The following NR6A1 variants were observed in gnomAD, a reference collection of about 807,000 sequenced individuals.
NR6A1 encodes the protein nuclear receptor subfamily 6 group A member 1, also known as retinoic acid receptor-related testis-associated receptor.
Under a neutral mutation model 59.1 loss-of-function variants are expected in NR6A1, and 7 were observed. The observed-to-expected ratio is 0.12, with a 90% CI of 0.07 to 0.22. The LOEUF is 0.22. NR6A1 is among the 10% of genes least tolerant of loss of function. The pLI is 1.00. For missense variants in NR6A1, 468 were observed against 611.6 expected, an observed-to-expected ratio of 0.77 and a Z score of 2.48; for synonymous variants, 243 against 236.1, an observed-to-expected ratio of 1.03 and a Z score of -0.27.
Position 124,593,438 on chromosome 9 carries a change from G to A in NR6A1, c.143-38868C>T, listed in dbSNP as rs902577190. ...AAGGGAGGGAGGAAGAGAGCAGAGAGGGGGAGAGAGAGAAGAAAAAAGATT... is the reference window on the plus strand; with the variant it reads ...AAGGGAGGGAGGAAGAGAGCAGAGAAGGGGAGAGAGAGAAGAAAAAAGATT... On this transcript the variant is annotated intron_variant, in intron 2 of 9. Transcript: ENST00000487099. 3.9e-5 allele frequency among the ~76,000 whole-genome samples: 6 copies of A among 152,164 alleles called. No homozygotes were observed. The South Asian group carries it at 1.0e-3, about 26-fold the overall frequency.
At chr9:124,731,030 G>T (rs542488462) in intron 2 of NR6A1, among the ~76,000 whole-genome samples, 105 of 152,188 alleles carry the variant, frequency 6.9e-4, no homozygotes, top group African/African-American at 2.5e-3. Flanking sequence ...TTGTCTGAAA[G>T]GTTACAGGGC....
chr9:124,585,256 G>A lies in NR6A1; in HGVS notation c.143-30686C>T, dbSNP rs1012112329. ...TGTCTCCATTACTTAAAAGTGCAAGGTGGGCCAGGCGCAGTGGCTCATGCC... is the reference window on the plus strand; with the variant it reads ...TGTCTCCATTACTTAAAAGTGCAAGATGGGCCAGGCGCAGTGGCTCATGCC... On this transcript the variant is annotated intron_variant, in intron 2 of 9. Coordinates refer to ENST00000487099, the MANE Select transcript of NR6A1 (RefSeq NM_033334.4). Among the ~76,000 whole-genome samples the A allele has an allele frequency of 9.2e-5, 14 of 152,062 alleles. 1 individual carries two copies. The highest frequency in any genetic ancestry group is 9.2e-4 in the Admixed American group (14 of 15,272).
In NR6A1 at chr9:124,633,360, G is replaced by A. The variant is rs1000215157; in HGVS notation, c.143-78790C>T. 6.5e-5 allele frequency among the ~76,000 whole-genome samples: 9 copies of A among 139,398 alleles called. No homozygotes were observed. In the South Asian group the frequency reaches 1.4e-3, roughly 21 times the overall value. The allele number at this position is 139,398 out of a possible 152,430, so 91.5% of individuals were successfully genotyped here. A position where few individuals can be genotyped will look rare whatever the true frequency, so the allele number is the denominator to read the frequency against. On this transcript the variant is annotated intron_variant, in intron 2 of 9. Transcript: ENST00000487099. Reference sequence around the variant, plus strand: ...GGAGCTTGCAGTGAGTCGAGATCGCGCCACTGCACTCCAGCCTGGGCGACA... The same window carrying A: ...GGAGCTTGCAGTGAGTCGAGATCGCACCACTGCACTCCAGCCTGGGCGACA...
chr9:124,520,413 T>C lies in NR6A1; in HGVS notation c.*2292A>G, dbSNP rs1479537841. 2 of 152,198 alleles carry C rather than the reference T, an allele frequency of 1.3e-5. No homozygotes were observed. Among genetic ancestry groups the C allele is most frequent in the Non-Finnish European group, 2.9e-5 (2 of 68,042 alleles). The allele number at this position is 152,198 out of a possible 1,614,324, so 9.4% of individuals were successfully genotyped here. Reference sequence around the variant, plus strand: ...GCTGCAAACATTTGTAAAACTGGATTTGTACAATGGCAACTTGCAGAACCT... The same window carrying C: ...GCTGCAAACATTTGTAAAACTGGATCTGTACAATGGCAACTTGCAGAACCT... On this transcript the variant is annotated 3_prime_UTR_variant, in exon 10 of 10. Coordinates refer to ENST00000487099, the MANE Select transcript of NR6A1 (RefSeq NM_033334.4).
chr9:124,594,619 C>G (rs1316341745), intron 2 of NR6A1, among the ~76,000 whole-genome samples: 2 of 152,156 alleles, frequency 1.3e-5, no homozygotes, highest in Non-Finnish European at 2.9e-5. Flanking sequence ...AGATAAATAA[C>G]AGGCCTTATA....
At chr9:124,539,102 G>C (rs1371101713) in intron 5 of NR6A1, among the ~76,000 whole-genome samples, 4 of 151,892 alleles carry the variant, frequency 2.6e-5, no homozygotes, top group Non-Finnish European at 5.9e-5. Context: ...ACAGAGTCTT[G>C]CCATGTTGCC....
chr9:124,712,480 C>T (rs998926148), intron 2 of NR6A1, among the ~76,000 whole-genome samples: 5 of 151,980 alleles, frequency 3.3e-5, no homozygotes, highest in South Asian at 2.1e-4. Flanking sequence ...AGGTGACACA[C>T]GCCTGTAGTC....
chr9:124,715,528 C>T (rs1278363238), intron 2 of NR6A1, among the ~76,000 whole-genome samples: 1 of 151,736 alleles, frequency 6.6e-6, no homozygotes, highest in Non-Finnish European at 1.5e-5. Context: ...AGAGTGAGAC[C>T]TAGTCTCTAA....
At chr9:124,546,682 C>G (rs1320106353) in intron 3 of NR6A1, among the ~76,000 whole-genome samples, 1 of 152,174 alleles carries the variant, frequency 6.6e-6, no homozygotes, top group Non-Finnish European at 1.5e-5. Flanking sequence ...CTAATATAAA[C>G]AGCAGTACCC....
In NR6A1 at chr9:124,551,193, T is replaced by G. The variant is rs933737045; in HGVS notation, c.385+3135A>C. Among the ~76,000 whole-genome samples, 33 of 152,262 alleles carry G rather than the reference T, an allele frequency of 2.2e-4. 1 individual carries two copies. The highest frequency in any genetic ancestry group is 1.7e-3 in the Admixed American group (26 of 15,298). ...TGATATTTGGAAGCCAAGATCTGGGTGCTGGGTGTACTCATTGCTCCTGGG... is the reference window on the plus strand; with the variant it reads ...TGATATTTGGAAGCCAAGATCTGGGGGCTGGGTGTACTCATTGCTCCTGGG... On this transcript the variant is annotated intron_variant, in intron 3 of 9. Transcript: ENST00000487099.
chr9:124,543,393 G>A (rs1002154169), intron 4 of NR6A1, among the ~76,000 whole-genome samples: 1 of 152,170 alleles, frequency 6.6e-6, no homozygotes, highest in Admixed American at 6.5e-5. Context: ...TTGAATGGGG[G>A]TATTATCATT....
At chr9:124,748,694 A>G (rs1274452964) in intron 1 of NR6A1, among the ~76,000 whole-genome samples, 1 of 151,428 alleles carries the variant, frequency 6.6e-6, no homozygotes, top group Non-Finnish European at 1.5e-5. Context: ...CCCCGTCTCT[A>G]TTAAAAATAC....
At chr9:124,767,520 A>G (rs926455261) in intron 1 of NR6A1, among the ~76,000 whole-genome samples, 4 of 152,046 alleles carry the variant, frequency 2.6e-5, no homozygotes, top group East Asian at 1.9e-4. Context: ...AAAGAAAAAA[A>G]AAAAAAAAAG....
At chr9:124,738,616 C>G (rs960532405) in intron 1 of NR6A1, among the ~76,000 whole-genome samples, 18 of 152,094 alleles carry the variant, frequency 1.2e-4, no homozygotes, top group African/African-American at 4.1e-4. Flanking sequence ...CGCCTGTAAT[C>G]CCAGCATTTG....
chr9:124,580,924 T>C (rs1790376476), intron 2 of NR6A1, among the ~76,000 whole-genome samples: 1 of 152,142 alleles, frequency 6.6e-6, no homozygotes, highest in South Asian at 2.1e-4. Flanking sequence ...AGTATGGTAC[T>C]GGTATGAGAA....
At chr9:124,598,055 C>T (rs141843486) in intron 2 of NR6A1, among the ~76,000 whole-genome samples, 104 of 152,258 alleles carry the variant, frequency 6.8e-4, no homozygotes, top group Non-Finnish European at 1.3e-3. Flanking sequence ...GTCTATGTTG[C>T]CCAGGCTGGT....
chr9:124,758,098 C>T (rs1023084030), intron 1 of NR6A1, among the ~76,000 whole-genome samples: 9 of 152,182 alleles, frequency 5.9e-5, no homozygotes, highest in African/African-American at 2.2e-4. Flanking sequence ...CTCTCAGATT[C>T]GATCTGTCAC....
intron 2 of NR6A1, among the ~76,000 whole-genome samples, chr9:124,666,581 C>T (rs888262284): frequency 1.3e-5 from 2 of 152,164 alleles, no homozygotes; most frequent in African/African-American, 2.4e-5. Flanking sequence ...GCCCGGCCAC[C>T]ATTTGGCTTT....
chr9:124,547,370 C>A (rs938778446), intron 3 of NR6A1, among the ~76,000 whole-genome samples: 15 of 152,206 alleles, frequency 9.9e-5, no homozygotes, highest in African/African-American at 3.6e-4. Context: ...CATTCAAGAC[C>A]ATCTATCATC....
Sources: allele counts gnomAD v4.1 joint callset (sites outside exome capture counted in the v4.1 genomes callset), GRCh38; gene constraint gnomAD v4.1.1; transcripts MANE v1.5; gene names NCBI Gene and HGNC (gene_info 2026-07-23, HGNC 2026-07-21).